Variants in CSGALNACT1 observed in about 807,000 individuals in gnomAD.
CSGALNACT1 encodes the protein beta4GalNAcT-1.
A neutral mutation model predicts 51.0 loss-of-function variants in CSGALNACT1; 52 were observed. The ratio of observed to expected loss-of-function variants is 1.02; its 90% confidence interval spans 0.82 to 1.29. CSGALNACT1 has a LOEUF of 1.29. CSGALNACT1 is among the 50% of genes most tolerant of loss of function. CSGALNACT1 has a pLI of 0.00. For synonymous variants in CSGALNACT1, 341 were observed against 254.4 expected (o/e 1.34, Z -3.24); for missense variants, 935 against 679.2 (o/e 1.38, Z -4.19).
chr8:19,515,100 C>T lies in CSGALNACT1; in HGVS notation c.-296-8970G>A, dbSNP rs566567302. Among the ~76,000 whole-genome samples, 364 of 152,136 alleles carry T rather than the reference C, an allele frequency of 2.4e-3. 3 individuals are homozygous for T. Among genetic ancestry groups the T allele is most frequent in the South Asian group, 0.019 (90 of 4,812 alleles). ...ATCATGCCTTGATCCCCCATTCCTT[C>T]GGGAACCCAGCCTCAGAGTGCCTTT... is the stretch of plus-strand genomic sequence containing the variant. On this transcript the variant is annotated intron_variant, in intron 3 of 9. Transcript: ENST00000454498.
chr8:19,713,711 AC>A (rs2062641911), intron 1 of CSGALNACT1, among the ~76,000 whole-genome samples: 1 of 151,848 alleles, frequency 6.6e-6, no homozygotes, highest in African/African-American at 2.4e-5. Context: ...GCAAGGAAGG[AC>A]CCCCTATGGG....
At chr8:19,404,658 C>A (rs559907777) in exon 10 of CSGALNACT1, 4 of 451,686 alleles carry the variant, frequency 8.9e-6, no homozygotes, top group African/African-American at 4.0e-5. Flanking sequence ...AAGCCAGAAG[C>A]CAGGAGGAGC....
At chr8:19,736,492 G>C (rs1432674618) in intron 1 of CSGALNACT1, among the ~76,000 whole-genome samples, 1 of 149,088 alleles carries the variant, frequency 6.7e-6, no homozygotes, top group Non-Finnish European at 1.5e-5. Flanking sequence ...GCTTGGGACT[G>C]AGAAAGTCAT....
chr8:19,479,473 C>A (rs781690327), intron 4 of CSGALNACT1, among the ~76,000 whole-genome samples: 2 of 152,182 alleles, frequency 1.3e-5, no homozygotes, highest in Non-Finnish European at 2.9e-5. Context: ...TATTCTTTTT[C>A]TTTCATTATT....
intron 1 of CSGALNACT1, among the ~76,000 whole-genome samples, chr8:19,744,564 GA>G (rs1337514367): frequency 2.6e-5 from 4 of 152,094 alleles, no homozygotes; most frequent in Admixed American, 6.6e-5. Flanking sequence ...CCTGCCACAA[GA>G]GTATGAATAT....
chr8:19,552,719 C>T (rs935290113), intron 3 of CSGALNACT1, among the ~76,000 whole-genome samples: 1 of 152,168 alleles, frequency 6.6e-6, no homozygotes, highest in Non-Finnish European at 1.5e-5. Flanking sequence ...TTCTTTGCAA[C>T]AGATTGCACT....
At chr8:19,441,476 C>T (rs2061323763) in intron 5 of CSGALNACT1, among the ~76,000 whole-genome samples, 1 of 152,174 alleles carries the variant, frequency 6.6e-6, no homozygotes, top group East Asian at 1.9e-4. Context: ...GGAAAGGATT[C>T]CCTACTTAAT....
intron 3 of CSGALNACT1, among the ~76,000 whole-genome samples, chr8:19,539,372 A>G (rs1335667594): frequency 6.6e-6 from 1 of 152,152 alleles, no homozygotes; most frequent in Non-Finnish European, 1.5e-5. Flanking sequence ...GTTCTTATTT[A>G]TTATCTGCCT....
chr8:19,667,016 AAAGG>A lies in CSGALNACT1; in HGVS notation c.-544+15453_-544+15456del, dbSNP rs71205941. On this transcript the variant is annotated intron_variant, in intron 1 of 9. Coordinates refer to the CSGALNACT1 transcript ENST00000332246. ...GAAAGAAAGAAAGAAAGAAAGAAAG[AAAGG>A]AAGGAAGGAAGGAAGGAAGGAAGAA... Among the ~76,000 whole-genome samples the A allele has an allele frequency of 3.9e-3, 171 of 43,464 alleles. 10 individuals are homozygous for A. Among genetic ancestry groups the A allele is most frequent in the Non-Finnish European group, 5.2e-3 (123 of 23,656 alleles). 28.5% of individuals were successfully genotyped at this position (43,464 alleles called of 152,430 possible).
At chr8:19,633,116 A>T (rs1417908566) in intron 1 of CSGALNACT1, among the ~76,000 whole-genome samples, 8 of 152,000 alleles carry the variant, frequency 5.3e-5, no homozygotes, top group Non-Finnish European at 2.9e-5. Flanking sequence ...TGGTAAGAAT[A>T]AATGATGTAA....
chr8:19,750,123 C>T (rs751561153), intron 1 of CSGALNACT1, among the ~76,000 whole-genome samples: 2 of 152,212 alleles, frequency 1.3e-5, no homozygotes, highest in African/African-American at 4.8e-5. Context: ...GTTCCAACTT[C>T]CATGAGACCT....
At chr8:19,723,829 T>A (rs910438606) in intron 1 of CSGALNACT1, among the ~76,000 whole-genome samples, 1 of 152,188 alleles carries the variant, frequency 6.6e-6, no homozygotes, top group African/African-American at 2.4e-5. Flanking sequence ...TGGTCCCAAA[T>A]TCAAATGAAA....
chr8:19,466,390 T>A (rs1474078918), intron 4 of CSGALNACT1, among the ~76,000 whole-genome samples: 1 of 152,216 alleles, frequency 6.6e-6, no homozygotes, highest in Non-Finnish European at 1.5e-5. Flanking sequence ...AAATTGCCTA[T>A]GAAGACATCC....
At chr8:19,741,287 G>C (rs114193343) in intron 1 of CSGALNACT1, among the ~76,000 whole-genome samples, 1 of 151,978 alleles carries the variant, frequency 6.6e-6, no homozygotes, top group Non-Finnish European at 1.5e-5. Flanking sequence ...AGTCTTAGCC[G>C]GGCACAGTGG....
chr8:19,752,142 A>ATGTG (rs1554475718), intron 1 of CSGALNACT1, among the ~76,000 whole-genome samples: 1 of 147,262 alleles, frequency 6.8e-6, no homozygotes, highest in Non-Finnish European at 1.5e-5. Context: ...ATATTATATG[A>ATGTG]TATTATATGA....
At chr8:19,650,124 G>C (rs138949586) in intron 1 of CSGALNACT1, among the ~76,000 whole-genome samples, 1 of 152,152 alleles carries the variant, frequency 6.6e-6, no homozygotes, top group Non-Finnish European at 1.5e-5. Context: ...GTGAGACTCA[G>C]ATTATGCATT....
chr8:19,479,792 TAG>T (rs2070834932), intron 4 of CSGALNACT1, among the ~76,000 whole-genome samples: 5 of 95,582 alleles, frequency 5.2e-5, no homozygotes, highest in Non-Finnish European at 1.0e-4. Flanking sequence ...TTCCTCTCCG[TAG>T]ATCACACTAA....
chr8:19,469,777 C>A (rs928218835), intron 4 of CSGALNACT1, among the ~76,000 whole-genome samples: 25 of 152,178 alleles, frequency 1.6e-4, no homozygotes, highest in African/African-American at 5.1e-4. Flanking sequence ...TTTCACACGA[C>A]CCCATTCTGG....
At chr8:19,485,595 A>T (rs1363373808) in intron 4 of CSGALNACT1, among the ~76,000 whole-genome samples, 1 of 151,922 alleles carries the variant, frequency 6.6e-6, no homozygotes, top group Admixed American at 6.6e-5. Context: ...CTACTAGCTT[A>T]TTTACTAGGT....
Sources: allele counts gnomAD v4.1 joint callset (sites outside exome capture counted in the v4.1 genomes callset), GRCh38; gene constraint gnomAD v4.1.1; transcripts MANE v1.5; gene names NCBI Gene and HGNC (gene_info 2026-07-23, HGNC 2026-07-21).